The following CYSTM1 variants were observed in gnomAD, a reference collection of about 807,000 sequenced individuals.
CYSTM1 encodes cysteine-rich transmembrane module-containing protein 1.
CYSTM1 carries 4 observed loss-of-function variants against 13.1 expected under a neutral mutation model. The observed-to-expected ratio is 0.31, with a 90% confidence interval of 0.15 to 0.70. The LOEUF is 0.70. Ranked by LOEUF, CYSTM1 falls within the 30% of genes least tolerant of loss-of-function variation. The pLI, the probability that CYSTM1 is intolerant of heterozygous loss-of-function variation, is 0.72. For synonymous variants in CYSTM1, 36 were observed against 42.7 expected (o/e 0.84, Z 0.62); for missense variants, 96 against 121.6 (o/e 0.79, Z 0.99).
intron 2 of CYSTM1, among the ~76,000 whole-genome samples, chr5:140,220,102 G>C (rs933953443): frequency 7.9e-5 from 12 of 152,188 alleles, no homozygotes; most frequent in African/African-American, 2.9e-4. Flanking sequence ...TGGTTTCTAA[G>C]TCATTTCCTA....
In CYSTM1 at chr5:140,239,913, G is replaced by A. The variant is rs1232287217; in HGVS notation, c.188-3392G>A. On this transcript the variant is annotated intron_variant, in intron 2 of 2. Coordinates refer to ENST00000261811, the MANE Select transcript of CYSTM1 (RefSeq NM_032412.4). This position sits in a 1 kb window ranked among gnomAD's most constrained non-coding sequence, Gnocchi z 5.4. ...TCTTCTCTGGGGCCGGTTGAATAGG[G>A]TGGTCTGAGACACTAGATAGCGAAT... Among the ~76,000 whole-genome samples, 1 of 152,208 alleles carries A rather than the reference G, an allele frequency of 6.6e-6. No homozygotes were observed. Among genetic ancestry groups the A allele is most frequent in the African/African-American group, 2.4e-5 (1 of 41,456 alleles).
intron 2 of CYSTM1, chr5:140,201,156 T>C (rs1764220903): frequency 6.6e-6 from 1 of 152,230 alleles, no homozygotes. Context: ...TAAACATTTG[T>C]ATAAAATAGA....
intron 2 of CYSTM1, among the ~76,000 whole-genome samples, chr5:140,203,461 T>C (rs1300549449): frequency 6.6e-6 from 1 of 152,192 alleles, no homozygotes; most frequent in Non-Finnish European, 1.5e-5. Flanking sequence ...ACTTCATTCC[T>C]TGTTGGGAGA....
intron 2 of CYSTM1, among the ~76,000 whole-genome samples, chr5:140,210,705 T>C (rs1764357603): frequency 6.6e-6 from 1 of 151,998 alleles, no homozygotes; most frequent in Non-Finnish European, 1.5e-5. Flanking sequence ...AGAGACAGGG[T>C]CTCGCTCTGT....
intron 2 of CYSTM1, among the ~76,000 whole-genome samples, chr5:140,215,900 G>A (rs1378472759): frequency 6.6e-6 from 1 of 152,182 alleles, no homozygotes; most frequent in Non-Finnish European, 1.5e-5. Flanking sequence ...CAACACTTTG[G>A]GAGGTCAAGG....
chr5:140,228,876 T>C, intron 2 of CYSTM1: 1 of 398,694 alleles, frequency 2.5e-6, no homozygotes, highest in Admixed American at 4.4e-5. Context: ...CCCTGCTACC[T>C]CCTGTTACAG....
At chr5:140,193,142 G>T (rs1287317536) in intron 1 of CYSTM1, among the ~76,000 whole-genome samples, 1 of 152,210 alleles carries the variant, frequency 6.6e-6, no homozygotes, top group Non-Finnish European at 1.5e-5. Context: ...GTTGGGGATA[G>T]AAGACACTCA....
At chr5:140,190,654 T>C (rs547589173) in intron 1 of CYSTM1, among the ~76,000 whole-genome samples, 26 of 152,344 alleles carry the variant, frequency 1.7e-4, no homozygotes, top group East Asian at 5.8e-4. Context: ...TGAGGTCTTA[T>C]CTCCACTGAC....
chr5:140,211,442 C>T (rs1170271788), intron 2 of CYSTM1, among the ~76,000 whole-genome samples: 2 of 152,210 alleles, frequency 1.3e-5, no homozygotes, highest in African/African-American at 4.8e-5. Flanking sequence ...TTTACAACAG[C>T]TCTTCAGGGT....
At chr5:140,234,778 C>T (rs1764658976) in intron 2 of CYSTM1, among the ~76,000 whole-genome samples, 1 of 152,208 alleles carries the variant, frequency 6.6e-6, no homozygotes, top group Non-Finnish European at 1.5e-5. Flanking sequence ...CCGTGGTCTT[C>T]CTGTGCCTCA....
intron 2 of CYSTM1, among the ~76,000 whole-genome samples, chr5:140,224,382 G>T (rs1764525164): frequency 2.0e-5 from 3 of 151,934 alleles, no homozygotes; most frequent in South Asian, 2.1e-4. Flanking sequence ...CAGGTGATCC[G>T]CCCGCCTCGG....
chr5:140,189,861 T>G (rs1285850476), intron 1 of CYSTM1, among the ~76,000 whole-genome samples: 1 of 152,206 alleles, frequency 6.6e-6, no homozygotes, highest in African/African-American at 2.4e-5. Flanking sequence ...TTGGTATACT[T>G]TCTTCTAAAA....
chr5:140,192,159 A>C (rs1461941494), intron 1 of CYSTM1, among the ~76,000 whole-genome samples: 1 of 152,162 alleles, frequency 6.6e-6, no homozygotes, highest in Non-Finnish European at 1.5e-5. Context: ...TTCAATTTAT[A>C]ATCAACTCCT....
chr5:140,237,998 G>A (rs1310794488), intron 2 of CYSTM1, among the ~76,000 whole-genome samples: 14 of 152,178 alleles, frequency 9.2e-5, no homozygotes. Flanking sequence ...GCCCGCACCT[G>A]TCTGGAGAGC....
intron 2 of CYSTM1, among the ~76,000 whole-genome samples, chr5:140,218,098 G>A (rs1376173081): frequency 6.6e-6 from 1 of 152,154 alleles, no homozygotes; most frequent in Non-Finnish European, 1.5e-5. Context: ...TGGTCGGTGT[G>A]GTAATAAGGA....
At chr5:140,183,623 G>T (rs37354) in intron 1 of CYSTM1, among the ~76,000 whole-genome samples, 2 of 152,110 alleles carry the variant, frequency 1.3e-5, no homozygotes, top group South Asian at 4.1e-4. Flanking sequence ...GCTCCTCCCC[G>T]ATATGGGGGT....
intron 2 of CYSTM1, among the ~76,000 whole-genome samples, chr5:140,227,919 ATG>A (rs552363697): frequency 4.6e-5 from 7 of 151,998 alleles, no homozygotes; most frequent in Non-Finnish European, 1.0e-4. Flanking sequence ...TATTTCAGAA[ATG>A]TGTGTGTGTG....
chr5:140,209,174 G>A (rs1335128540), intron 2 of CYSTM1, among the ~76,000 whole-genome samples: 1 of 152,128 alleles, frequency 6.6e-6, no homozygotes, highest in Admixed American at 6.5e-5. Flanking sequence ...AGATATGCAG[G>A]AGAGAGGACA....
At chr5:140,204,389 G>A (rs573486010) in intron 2 of CYSTM1, among the ~76,000 whole-genome samples, 69 of 152,124 alleles carry the variant, frequency 4.5e-4, no homozygotes, top group African/African-American at 1.6e-3. Flanking sequence ...ACAACAAAAC[G>A]TCTCCTGATC....
Sources: allele counts gnomAD v4.1 joint callset (sites outside exome capture counted in the v4.1 genomes callset), GRCh38; gene constraint gnomAD v4.1.1; non-coding constraint Gnocchi (gnomAD v3.1); transcripts MANE v1.5; gene names NCBI Gene and HGNC (gene_info 2026-07-23, HGNC 2026-07-21).